COBL: variants seen among roughly 807,000 people sequenced by gnomAD.
The protein encoded by COBL is cordon-bleu WH2 repeat protein, also known as protein cordon-bleu.
COBL carries 51 observed loss-of-function variants against 98.8 expected under a neutral mutation model. The ratio of observed to expected loss-of-function variants is 0.52; its 90% confidence interval spans 0.41 to 0.65. The LOEUF (loss-of-function observed/expected upper bound fraction) is 0.65. Ranked by LOEUF, COBL falls within the 30% of genes least tolerant of loss-of-function variation. COBL has a pLI of 0.00. For missense variants in COBL, 1,617 were observed against 1,617.5 expected (o/e 1.00, Z 0.01); for synonymous variants, 634 against 651.7 (o/e 0.97, Z 0.41).
chr7:51,292,805 C>T (rs150865802), intron 1 of COBL, among the ~76,000 whole-genome samples: 1 of 152,210 alleles, frequency 6.6e-6, no homozygotes, highest in African/African-American at 2.4e-5. Flanking sequence ...CTGCAGGCCC[C>T]GAGCAGCCCT....
At chr7:51,307,196 A>C (rs1183046880) in intron 1 of COBL, among the ~76,000 whole-genome samples, 1 of 152,016 alleles carries the variant, frequency 6.6e-6, no homozygotes. Context: ...AATACAAAAA[A>C]AAATTAGCCA....
At chr7:51,087,603 T>C (rs1794402044) in intron 6 of COBL, among the ~76,000 whole-genome samples, 1 of 151,850 alleles carries the variant, frequency 6.6e-6, no homozygotes, top group Non-Finnish European at 1.5e-5. Context: ...GCCTCCTGAG[T>C]AGCTGGGACT....
At chr7:51,300,157 GTTT>G (rs557463234) in intron 1 of COBL, among the ~76,000 whole-genome samples, 2,255 of 151,876 alleles carry the variant, frequency 0.015, 44 homozygotes, top group African/African-American at 0.051. Context: ...GTTTTGTTTT[GTTT>G]TGTTTTGTTT....
chr7:51,066,387 T>C (rs1026758259), intron 7 of COBL, among the ~76,000 whole-genome samples: 2 of 152,156 alleles, frequency 1.3e-5, no homozygotes, highest in African/African-American at 2.4e-5. Context: ...TGGGGAGATA[T>C]GAGCAGGGTT....
rs780200893 is a variant in COBL at position 51,043,471 on chromosome 7, TG to T, written c.1317del (p.Cys439Ter). 3 of 1,614,198 alleles carry T rather than the reference TG, an allele frequency of 1.9e-6. No individual in the cohort carries two copies. Among genetic ancestry groups the T allele is most frequent in the Non-Finnish European group, 2.5e-6 (3 of 1,180,032 alleles). On this transcript the variant is annotated frameshift_variant, in exon 8 of 13. Coordinates refer to ENST00000265136, the MANE Select transcript of COBL (RefSeq NM_015198.5). LOFTEE classifies it high-confidence loss of function. ...GGGGTTCCAGCGAGGTCCTGGTCAC[TG>T]CAGTCTTCCTGGTCTGTGGCCCACT... ...KDKWATDQED[C>X]SDQDLAGTPD...
chr7:51,301,533 G>A (rs947119590), intron 1 of COBL, among the ~76,000 whole-genome samples: 11 of 152,174 alleles, frequency 7.2e-5, no homozygotes, highest in African/African-American at 2.4e-5. Context: ...CGTCCCTGCC[G>A]GGCCCCACCC....
At chr7:51,309,737 G>A (rs1335268880) in intron 1 of COBL, among the ~76,000 whole-genome samples, 3 of 152,188 alleles carry the variant, frequency 2.0e-5, no homozygotes, top group African/African-American at 7.2e-5. Context: ...AGGAAGCAGG[G>A]GTTGTTCTGT....
intron 2 of COBL, among the ~76,000 whole-genome samples, chr7:51,203,988 T>C (rs78916421): frequency 1.1e-3 from 174 of 152,268 alleles, no homozygotes; most frequent in African/African-American, 4.1e-3. Context: ...AATACTAGCA[T>C]ACAAAATTCA....
Position 51,029,245 on chromosome 7 carries a change from G to A in COBL, c.1851C>T (p.Asn617=), listed in dbSNP as rs1413677433. Residue 617 remains asparagine, a synonymous_variant, in exon 10 of 13, where the codon AAC becomes AAT. Transcript: ENST00000265136. ...CCATTAGATTCCCATCTTTAGAGATGTTAGATAAGGCCACACGGATTCCTT... is the reference window on the plus strand; with the variant it reads ...CCATTAGATTCCCATCTTTAGAGATATTAGATAAGGCCACACGGATTCCTT... ...VGKGIRVALS[N]ISKDGNLMET... is the part of the protein sequence containing the mutation. 2.5e-6 allele frequency: 4 copies of A among 1,613,408 alleles called. No individual in the cohort carries two copies. The highest frequency in any genetic ancestry group is 3.4e-6 in the Non-Finnish European group (4 of 1,179,710).
rs1787755578 is a variant in COBL at position 51,028,095 on chromosome 7, T to G, written c.3001A>C (p.Thr1001Pro). The G allele has an allele frequency of 6.2e-7, 1 of 1,613,998 alleles. No homozygotes were observed. The highest frequency in any genetic ancestry group is 8.5e-7 in the Non-Finnish European group (1 of 1,179,990). ...GCTGAGCTGGCCTCCTGGCTACTTGTGCTTTGCTTTCCACTGAAACCACAG... is the reference window on the plus strand; with the variant it reads ...GCTGAGCTGGCCTCCTGGCTACTTGGGCTTTGCTTTCCACTGAAACCACAG... ...QSCGFSGKQSTSSQEASSASE... is the reference protein window; with the variant it reads ...QSCGFSGKQSPSSQEASSASE... The change falls in exon 10 of 13, where the codon ACA (threonine) becomes CCA (proline). Residue 1001 changes from threonine (T) to proline (P), a missense_variant. Thr to Pro is a conservative substitution (Grantham distance 38). Coordinates refer to ENST00000265136, the MANE Select transcript of COBL (RefSeq NM_015198.5).
chr7:51,193,306 G>T, intron 3 of COBL, 73 bp downstream of exon 3: 1 of 1,340,442 alleles, frequency 7.5e-7, no homozygotes, highest in South Asian at 1.3e-5. Context: ...TTGATAAGAA[G>T]AGCCACACTG....
At chr7:51,068,624 G>A (rs148670903) in intron 7 of COBL, among the ~76,000 whole-genome samples, 1 of 152,148 alleles carries the variant, frequency 6.6e-6, no homozygotes, top group Non-Finnish European at 1.5e-5. Context: ...GAGGGTGATG[G>A]ATGTTTATTA....
intron 1 of COBL, among the ~76,000 whole-genome samples, chr7:51,226,522 TTGAGTGAGTGAG>T (rs3081930): frequency 6.6e-6 from 1 of 150,432 alleles, no homozygotes; most frequent in East Asian, 1.9e-4. Flanking sequence ...CACCACTGCG[TTGAGTGAGTGAG>T]TGAGTGAGTG....
At chr7:51,176,429 C>CAT (rs1332482476) in intron 5 of COBL, among the ~76,000 whole-genome samples, 1 of 151,838 alleles carries the variant, frequency 6.6e-6, no homozygotes, top group African/African-American at 2.4e-5. Flanking sequence ...CACACACACA[C>CAT]ATATATGCAC....
At chr7:51,256,604 G>A (rs750806271) in intron 1 of COBL, among the ~76,000 whole-genome samples, 45 of 152,214 alleles carry the variant, frequency 3.0e-4, no homozygotes, top group African/African-American at 5.1e-4. Flanking sequence ...CCACTCAATC[G>A]CCCTAGTAGG....
Position 51,275,627 on chromosome 7 carries a change from GCCACCAGCCA to G in COBL, c.41+40956_41+40965del, listed in dbSNP as rs1020677931. Among the ~76,000 whole-genome samples the G allele has an allele frequency of 9.2e-5, 14 of 152,078 alleles. No individual in the cohort carries two copies. The East Asian group carries it at 2.3e-3, about 25-fold the overall frequency. On this transcript the variant is annotated intron_variant, in intron 1 of 12. Coordinates refer to ENST00000265136, the MANE Select transcript of COBL (RefSeq NM_015198.5). The stretch of plus-strand genomic sequence containing the variant: ...ACCACCACCGCCACTGGCATCAGCT[GCCACCAGCCA>G]CCACCAGCCGCCACCAACCACCACC...
chr7:51,187,935 C>A, intron 4 of COBL: 1 of 1,232,406 alleles, frequency 8.1e-7, no homozygotes, highest in Non-Finnish European at 1.0e-6. Context: ...AGGGAAGGCT[C>A]GGACTGAGTT....
chr7:51,046,987 C>T (rs1367077414), intron 7 of COBL, among the ~76,000 whole-genome samples: 2 of 152,198 alleles, frequency 1.3e-5, no homozygotes, highest in Non-Finnish European at 2.9e-5. Context: ...GATGTAAACA[C>T]TCATTTTTAC....
At chr7:51,035,971 G>C (rs1788594793) in intron 8 of COBL, 1 of 152,164 alleles carries the variant, frequency 6.6e-6, no homozygotes, top group Non-Finnish European at 1.5e-5. Flanking sequence ...TCCTCTCTCT[G>C]TATCTGAGGA....
Sources: gnomAD v4.1 joint callset for allele counts (sites outside exome capture counted in the v4.1 genomes callset) on GRCh38, gnomAD v4.1.1 for gene constraint, MANE v1.5 for transcripts, NCBI Gene and HGNC (gene_info 2026-07-23, HGNC 2026-07-21) for gene names.